NTM: variants seen among roughly 807,000 people sequenced by gnomAD.
The protein encoded by NTM is IgLON family member 2.
A neutral mutation model predicts 42.1 loss-of-function variants in NTM; 13 were observed. That is an observed-to-expected ratio of 0.31 (90% confidence interval 0.20 to 0.49). The LOEUF is 0.49. Ranked by LOEUF, NTM falls within the 20% of genes least tolerant of loss-of-function variation. NTM has a pLI of 0.99. For synonymous variants in NTM, 187 were observed against 179.2 expected (o/e 1.04, Z -0.35); for missense variants, 373 against 452.8 (o/e 0.82, Z 1.60).
intron 1 of NTM, among the ~76,000 whole-genome samples, chr11:131,643,066 C>G (rs948325685): frequency 7.0e-6 from 1 of 143,582 alleles, no homozygotes; most frequent in African/African-American, 2.6e-5. Flanking sequence ...AAAAAAAAAA[C>G]TCAGAAGGGG....
At chr11:132,091,000 C>T (rs1477172596) in intron 2 of NTM, among the ~76,000 whole-genome samples, 4 of 152,202 alleles carry the variant, frequency 2.6e-5, no homozygotes, top group Admixed American at 1.3e-4. Context: ...CCAATTTTCT[C>T]CATTCCACAC....
At chr11:131,838,465 T>G (rs977545990) in intron 1 of NTM, among the ~76,000 whole-genome samples, 1 of 152,202 alleles carries the variant, frequency 6.6e-6, no homozygotes, top group African/African-American at 2.4e-5. Flanking sequence ...TTAGTTGTGT[T>G]GCAAATTGCT....
chr11:132,071,211 C>A (rs78062939), intron 2 of NTM, among the ~76,000 whole-genome samples: 14 of 130,558 alleles, frequency 1.1e-4, no homozygotes, highest in South Asian at 2.8e-4. Flanking sequence ...TAACACGTCA[C>A]ACTGACCATC....
At chr11:131,782,715 T>C (rs1474217167) in intron 1 of NTM, among the ~76,000 whole-genome samples, 1 of 152,130 alleles carries the variant, frequency 6.6e-6, no homozygotes, top group Non-Finnish European at 1.5e-5. Context: ...TTGATATAAC[T>C]GTATATTAAT....
intron 2 of NTM, among the ~76,000 whole-genome samples, chr11:132,053,125 T>C (rs1005612112): frequency 6.6e-6 from 1 of 152,212 alleles, no homozygotes; most frequent in Non-Finnish European, 1.5e-5. Context: ...GCCCTGGGCA[T>C]GCATGATTCA....
At chr11:131,992,679 T>C (rs2067246192) in intron 2 of NTM, among the ~76,000 whole-genome samples, 1 of 152,018 alleles carries the variant, frequency 6.6e-6, no homozygotes, top group African/African-American at 2.4e-5. Flanking sequence ...ACACACACAA[T>C]TGCCTGAAAA....
intron 1 of NTM, among the ~76,000 whole-genome samples, chr11:131,475,680 C>A (rs1178224490): frequency 6.6e-6 from 1 of 152,006 alleles, no homozygotes; most frequent in Non-Finnish European, 1.5e-5. Flanking sequence ...TTATCACCCA[C>A]GAAGCCCTAC....
At chr11:131,643,603 G>A (rs1318294670) in intron 1 of NTM, among the ~76,000 whole-genome samples, 1 of 152,208 alleles carries the variant, frequency 6.6e-6, no homozygotes, top group Non-Finnish European at 1.5e-5. Context: ...ATTGCAGTGA[G>A]CCTAATCATC....
At chr11:131,606,925 C>T (rs1012061369) in intron 1 of NTM, among the ~76,000 whole-genome samples, 8 of 152,190 alleles carry the variant, frequency 5.3e-5, no homozygotes, top group African/African-American at 1.4e-4. Context: ...TCAGTTTCAT[C>T]TCATTTCTTT....
chr11:131,538,963 T>C (rs181820081), intron 1 of NTM: 198 of 135,428 alleles, frequency 1.5e-3, no homozygotes, highest in African/African-American at 4.9e-3. Flanking sequence ...GAAAAGGTCT[T>C]GCTCTGTTTC....
intron 1 of NTM, among the ~76,000 whole-genome samples, chr11:131,527,789 T>C (rs1591944906): frequency 6.6e-6 from 1 of 152,328 alleles, no homozygotes; most frequent in East Asian, 1.9e-4. Flanking sequence ...GGCAGGGGTG[T>C]GGACTAGACG....
chr11:131,490,773 A>G (rs1361725043), intron 1 of NTM, among the ~76,000 whole-genome samples: 1 of 152,216 alleles, frequency 6.6e-6, no homozygotes, highest in Non-Finnish European at 1.5e-5. Flanking sequence ...CTGACATAAC[A>G]TTCATCATAT....
chr11:131,454,948 G>T (rs562918178), intron 1 of NTM, among the ~76,000 whole-genome samples: 106 of 152,118 alleles, frequency 7.0e-4, no homozygotes, highest in Non-Finnish European at 1.1e-3. Context: ...GGAGAAAGGG[G>T]TTCTATAGGG....
intron 1 of NTM, among the ~76,000 whole-genome samples, chr11:131,544,318 C>G (rs570560903): frequency 6.6e-6 from 1 of 152,296 alleles, no homozygotes; most frequent in African/African-American, 2.4e-5. Flanking sequence ...GTGAGTCTCC[C>G]TTCGTCCTCT....
intron 2 of NTM, among the ~76,000 whole-genome samples, chr11:131,930,455 T>C (rs1278909262): frequency 6.6e-6 from 1 of 152,242 alleles, no homozygotes; most frequent in Non-Finnish European, 1.5e-5. Flanking sequence ...ATTTTATGTG[T>C]ACAGGGAGCC....
At chr11:131,857,011 ATAATCT>A (rs2046176219) in intron 1 of NTM, among the ~76,000 whole-genome samples, 1 of 152,246 alleles carries the variant, frequency 6.6e-6, no homozygotes, top group East Asian at 1.9e-4. Context: ...ACCTTTTTAT[ATAATCT>A]TAAAGTATCT....
Position 131,980,895 on chromosome 11 carries a change from G to A in NTM, c.167+69247G>A, listed in dbSNP as rs184028395. On this transcript the variant is annotated intron_variant, in intron 2 of 8. Transcript: ENST00000683400. Reference sequence around the variant, plus strand: ...TAGCCCCTGCCTGGCTGTGCGATAGGGGTTCAAATCCGACTCTATGTTTAT... The same window carrying A: ...TAGCCCCTGCCTGGCTGTGCGATAGAGGTTCAAATCCGACTCTATGTTTAT... 1.7e-3 allele frequency among the ~76,000 whole-genome samples: 256 copies of A among 152,260 alleles called. 1 individual carries two copies. Among genetic ancestry groups the A allele is most frequent in the African/African-American group, 5.2e-3 (214 of 41,548 alleles).
chr11:131,570,328 G>C (rs538484856), intron 1 of NTM, among the ~76,000 whole-genome samples: 1 of 152,072 alleles, frequency 6.6e-6, no homozygotes, highest in Non-Finnish European at 1.5e-5. Context: ...AATACTCCTC[G>C]GCCGCGTTCC....
At chr11:132,024,401 C>T (rs1029164699) in intron 2 of NTM, among the ~76,000 whole-genome samples, 9 of 152,254 alleles carry the variant, frequency 5.9e-5, no homozygotes, top group African/African-American at 1.9e-4. Context: ...TACCTAAAAT[C>T]GGAAATTATT....
Sources: gnomAD v4.1 joint callset for allele counts (sites outside exome capture counted in the v4.1 genomes callset) on GRCh38, gnomAD v4.1.1 for gene constraint, MANE v1.5 for transcripts, NCBI Gene and HGNC (gene_info 2026-07-23, HGNC 2026-07-21) for gene names.